The following PCNT variants were observed in gnomAD, a reference collection of about 807,000 sequenced individuals.
PCNT encodes the protein kendrin.
Under a neutral mutation model 380.4 loss-of-function variants are expected in PCNT, and 319 were observed. That is an observed-to-expected ratio of 0.84 (90% confidence interval 0.77 to 0.92). The LOEUF is 0.92. PCNT is among the 40% of genes least tolerant of loss of function. The probability of loss-of-function intolerance (pLI) is 0.00; values close to 1 mark genes in which losing one functional copy is unlikely to be tolerated. For missense variants in PCNT, 4,400 were observed against 4,255.3 expected, an observed-to-expected ratio of 1.03 and a Z score of -0.95; for synonymous variants, 1,845 against 1,735.2, an observed-to-expected ratio of 1.06 and a Z score of -1.57.
intron 3 of PCNT, among the ~76,000 whole-genome samples, chr21:46,342,762 C>T (rs558326996): frequency 3.3e-5 from 5 of 152,014 alleles, no homozygotes; most frequent in African/African-American, 1.2e-4. Flanking sequence ...ATCTCTTGAC[C>T]TCGTGATCCG....
Position 46,346,196 on chromosome 21 carries a change from G to C in PCNT, c.708G>C (p.Leu236=). The part of the protein sequence containing the change: ...LESGREDEAG[L]HQSQAVHGLE... The stretch of plus-strand genomic sequence containing the variant: ...GCGGCCGTGAAGATGAGGCTGGCCT[G>C]CATCAGAGTCAGGTGACCCGGCGGG... The change falls in exon 4 of 47, where the codon CTG becomes CTC. Residue 236 remains leucine (L), a synonymous_variant. Transcript: ENST00000359568. 1 of 1,613,448 alleles carries C rather than the reference G, an allele frequency of 6.2e-7. No individual in the cohort carries two copies. The highest frequency in any genetic ancestry group is 8.5e-7 in the Non-Finnish European group (1 of 1,179,682).
intron 28 of PCNT, among the ~76,000 whole-genome samples, chr21:46,412,453 C>T (rs1442462641): frequency 2.0e-5 from 3 of 152,138 alleles, no homozygotes; most frequent in Admixed American, 6.5e-5. Flanking sequence ...TGAGATGTGG[C>T]GAGCGAGCTC....
chr21:46,400,512 CTTTTTT>C (rs1215264897), intron 25 of PCNT, among the ~76,000 whole-genome samples: 103 of 84,550 alleles, frequency 1.2e-3, no homozygotes, highest in East Asian at 7.1e-3. Context: ...GTGTCTGATT[CTTTTTT>C]TTTTTTTTTT....
rs538156902 is a variant in PCNT at position 46,374,763 on chromosome 21, C to T, written c.3166-6931C>T. On this transcript the variant is annotated intron_variant, in intron 15 of 46. Coordinates refer to ENST00000359568, the MANE Select transcript of PCNT (RefSeq NM_006031.6). Reference sequence around the variant, plus strand: ...ACTCGGGAGGCTGAGGCAAGAGAATCGCTTGAACCTGGGAGGTGGAGGTTG... The same window carrying T: ...ACTCGGGAGGCTGAGGCAAGAGAATTGCTTGAACCTGGGAGGTGGAGGTTG... Among the ~76,000 whole-genome samples the T allele has an allele frequency of 9.3e-5, 14 of 150,566 alleles. No individual in the cohort carries two copies. In the East Asian group the frequency reaches 2.5e-3, roughly 27 times the overall value.
At chr21:46,353,550 C>T (rs115924763) in intron 10 of PCNT, among the ~76,000 whole-genome samples, 4 of 151,974 alleles carry the variant, frequency 2.6e-5, no homozygotes, top group South Asian at 2.1e-4. Context: ...TCCAGGCCTG[C>T]GTGCACATGT....
rs147772059 is a variant in PCNT, at chr21:46,440,175, C to T, written c.9366C>T (p.Ser3122=). The T allele has an allele frequency of 3.1e-6, 5 of 1,613,924 alleles. No homozygotes were observed. The highest frequency in any genetic ancestry group is 3.3e-5 in the Admixed American group (2 of 59,994). Residue 3122 remains serine, a synonymous_variant, in exon 42 of 47, where the codon AGC becomes AGT. Coordinates refer to ENST00000359568, the MANE Select transcript of PCNT (RefSeq NM_006031.6). The stretch of plus-strand genomic sequence containing the variant: ...CCGGCCGGCTTCCACCAGCTGCCAG[C>T]GAGGAAGCACACACCAGCAATGTCA... ...PDPGRLPPAA[S]EEAHTSNVKM...
intron 2 of PCNT, among the ~76,000 whole-genome samples, chr21:46,328,920 G>A (rs1240427814): frequency 6.6e-6 from 1 of 152,012 alleles, no homozygotes; most frequent in Admixed American, 6.6e-5. Context: ...ATTACAAGTG[G>A]GCACCACCAT....
intron 41 of PCNT, among the ~76,000 whole-genome samples, chr21:46,439,277 C>T (rs1312126468): frequency 6.6e-6 from 1 of 152,126 alleles, no homozygotes; most frequent in South Asian, 2.1e-4. Context: ...TGGCTCTCTC[C>T]CAGAAAGGTG....
intron 2 of PCNT, among the ~76,000 whole-genome samples, chr21:46,327,975 C>T (rs371856133): frequency 1.8e-4 from 27 of 152,110 alleles, no homozygotes; most frequent in Admixed American, 1.5e-3. Context: ...TGCCTGGAGG[C>T]GGGCTGTCCT....
Position 46,425,340 on chromosome 21 carries a change from T to G in PCNT, c.7180-491T>G, listed in dbSNP as rs1358153660. Among the ~76,000 whole-genome samples the G allele has an allele frequency of 6.6e-6, 1 of 152,216 alleles. No homozygotes were observed. The highest frequency in any genetic ancestry group is 1.5e-5 in the Non-Finnish European group (1 of 68,028). On this transcript the variant is annotated intron_variant, in intron 32 of 46. Transcript: ENST00000359568. The surrounding 1 kb of genome is among the most constrained non-coding windows in gnomAD (Gnocchi z 4.2). ...GCTCCCCGTGCCCAGCACAGGCAGC[T>G]TCACCCCACGCTGGTGGTCGGCACT...
At chr21:46,395,376 T>C (rs2086173186) in intron 21 of PCNT, among the ~76,000 whole-genome samples, 1 of 152,084 alleles carries the variant, frequency 6.6e-6, no homozygotes, top group Admixed American at 6.6e-5. Flanking sequence ...GAAATAATTA[T>C]AATAAAATAG....
In PCNT at chr21:46,437,091, G is replaced by A; in HGVS notation, c.9099+10G>A. Reference sequence around the variant, plus strand: ...GCCCACCTCCTCCCAGGTAAGGGGTGAGCGCCCCCAGGTCCCTGGCCTGGC... The same window carrying A: ...GCCCACCTCCTCCCAGGTAAGGGGTAAGCGCCCCCAGGTCCCTGGCCTGGC... On this transcript the variant is annotated intron_variant, in intron 40 of 46. Coordinates refer to ENST00000359568, the MANE Select transcript of PCNT (RefSeq NM_006031.6). The A allele has an allele frequency of 6.2e-7, 1 of 1,603,930 alleles. No individual in the cohort carries two copies. Among genetic ancestry groups the A allele is most frequent in the South Asian group, 1.1e-5 (1 of 90,812 alleles).
chr21:46,384,916 G>A (rs1032854045), intron 16 of PCNT, among the ~76,000 whole-genome samples: 3 of 152,136 alleles, frequency 2.0e-5, no homozygotes, highest in Non-Finnish European at 2.9e-5. Flanking sequence ...GGTGTTGTGC[G>A]TAGTTCAGTG....
At chr21:46,417,182 T>TC (rs1232356595) in intron 30 of PCNT, among the ~76,000 whole-genome samples, 3 of 135,348 alleles carry the variant, frequency 2.2e-5, no homozygotes, top group Non-Finnish European at 4.7e-5. Context: ...TAGGAATGCT[T>TC]CCTTTTTTTT....
chr21:46,431,236 G>C (rs2087750259), intron 37 of PCNT: 18 of 1,274,688 alleles, frequency 1.4e-5, no homozygotes, highest in Non-Finnish European at 1.7e-5. Context: ...TTTCTGGAGA[G>C]GGGGCGGGCA....
At position 46,353,116 on chromosome 21, in the gene PCNT, A is replaced by T; in HGVS notation, c.1469A>T (p.Gln490Leu). The T allele has an allele frequency of 6.2e-7, 1 of 1,613,864 alleles. No individual in the cohort carries two copies. The highest frequency in any genetic ancestry group is 8.5e-7 in the Non-Finnish European group (1 of 1,179,916). ...CGTTATGTTGCAGAGCTACATGAGCAACTCCTGGCGCGCACCTCTCGTGTG... is the reference window on the plus strand; with the variant it reads ...CGTTATGTTGCAGAGCTACATGAGCTACTCCTGGCGCGCACCTCTCGTGTG... Reference protein sequence around the residue: ...SRQELSELHEQLLARTSRVED... With the variant: ...SRQELSELHELLLARTSRVED... Residue 490 changes from glutamine (Q) to leucine (L), a missense_variant, in exon 10 of 47, where the codon CAA (glutamine) becomes CTA (leucine). By Grantham distance (113) the Gln-to-Leu change is moderately radical. Transcript: ENST00000359568.
In PCNT at chr21:46,431,081, G is replaced by A. The variant is rs181590086; in HGVS notation, c.8064+424G>A. On this transcript the variant is annotated intron_variant, in intron 37 of 46. Transcript: ENST00000359568. ...GTCTGTGCCAGTTCCATGGGTTATG[G>A]CTTTCAACAGCATGGAAGTGGTGGT... 1,205 of 985,462 alleles carry A rather than the reference G, an allele frequency of 1.2e-3. 2 individuals carry two copies. Among genetic ancestry groups the A allele is most frequent in the Middle Eastern group, 4.7e-3 (9 of 1,914 alleles). The allele number at this position is 985,462 out of a possible 1,614,324, so 61.0% of individuals were successfully genotyped here. A position where few individuals can be genotyped will look rare whatever the true frequency, so the allele number is the denominator to read the frequency against.
intron 1 of PCNT, among the ~76,000 whole-genome samples, chr21:46,325,744 G>A (rs775396309): frequency 1.3e-5 from 2 of 152,330 alleles, no homozygotes; most frequent in African/African-American, 4.8e-5. Context: ...GGGAGATGAG[G>A]CTCGCACATA....
At chr21:46,340,678 G>GT (rs1474117735) in intron 3 of PCNT, among the ~76,000 whole-genome samples, 1 of 152,092 alleles carries the variant, frequency 6.6e-6, no homozygotes, top group East Asian at 1.9e-4. Flanking sequence ...TATCCACTTT[G>GT]TTTTTTATTG....
Sources: allele counts gnomAD v4.1 joint callset (sites outside exome capture counted in the v4.1 genomes callset), GRCh38; gene constraint gnomAD v4.1.1; non-coding constraint Gnocchi (gnomAD v3.1); transcripts MANE v1.5; gene names NCBI Gene and HGNC (gene_info 2026-07-23, HGNC 2026-07-21).